The following IPO8 variants were observed in gnomAD, a reference collection of about 807,000 sequenced individuals.
IPO8 encodes importin 8.
A neutral mutation model predicts 141.2 loss-of-function variants in IPO8; 65 were observed. The ratio of observed to expected loss-of-function variants is 0.46; its 90% CI spans 0.38 to 0.57. IPO8 has a LOEUF of 0.57. Among genes scored for constraint, IPO8 ranks in the 20% least tolerant of loss-of-function variants. The pLI, the probability that IPO8 is intolerant of heterozygous loss-of-function variation, is 0.00. For synonymous variants in IPO8, 411 were observed against 420.3 expected (o/e 0.98, Z 0.27); for missense variants, 980 against 1,246.8 (o/e 0.79, Z 3.22).
In IPO8 at chr12:30,680,643, A is replaced by G. The variant is rs1236951838; in HGVS notation, c.483-5T>C. 12 of 1,598,632 alleles carry G rather than the reference A, an allele frequency of 7.5e-6. No homozygotes were observed. Among genetic ancestry groups the G allele is most frequent in the Non-Finnish European group, 1.0e-5 (12 of 1,174,928 alleles). On this transcript the variant is annotated splice_region_variant and splice_polypyrimidine_tract_variant and intron_variant, in intron 4 of 24. Transcript: ENST00000256079. ...CTCTCTTCTGCTTTCTTATATCTACATGAGCAAAGACAAAAACAGAAAAGT... is the reference window on the plus strand; with the variant it reads ...CTCTCTTCTGCTTTCTTATATCTACGTGAGCAAAGACAAAAACAGAAAAGT...
chr12:30,678,336 G>A (rs901814410), intron 5 of IPO8, among the ~76,000 whole-genome samples: 1 of 152,020 alleles, frequency 6.6e-6, no homozygotes, highest in Non-Finnish European at 1.5e-5. Context: ...TCCATTCATG[G>A]TAAGTACCCT....
At chr12:30,675,730 G>C (rs1158408082) in intron 6 of IPO8, among the ~76,000 whole-genome samples, 1 of 151,168 alleles carries the variant, frequency 6.6e-6, no homozygotes, top group Non-Finnish European at 1.5e-5. Flanking sequence ...TGTAGTCCCA[G>C]CTACTCAGGA....
At chr12:30,680,357 T>C in intron 5 of IPO8, 125 bp downstream of exon 5, 4 of 698,580 alleles carry the variant, frequency 5.7e-6, no homozygotes, top group East Asian at 3.0e-5. Context: ...TCATAAGCAT[T>C]TTTTAAAGAA....
chr12:30,630,839 G>T lies in IPO8; in HGVS notation c.*21C>A. The T allele has an allele frequency of 3.8e-6, 6 of 1,563,790 alleles. No homozygotes were observed. The highest frequency in any genetic ancestry group is 5.3e-6 in the Non-Finnish European group (6 of 1,135,530). ...GAAATAAAATGCAGCGATGACATTT[G>T]GTCAGCTGATGTTCTTTCCTTCAGT... is the stretch of plus-strand genomic sequence containing the variant. On this transcript the variant is annotated 3_prime_UTR_variant, in exon 25 of 25. Coordinates refer to ENST00000256079, the MANE Select transcript of IPO8 (RefSeq NM_006390.4).
At chr12:30,645,373 A>C (rs2052630913) in intron 20 of IPO8, among the ~76,000 whole-genome samples, 1 of 106,786 alleles carries the variant, frequency 9.4e-6, no homozygotes, top group East Asian at 2.0e-4. Flanking sequence ...ACTTCATCTC[A>C]AAAAAAAAAA....
chr12:30,653,194 T>C, intron 17 of IPO8, 102 bp from the exon 18 acceptor site: 1 of 993,442 alleles, frequency 1.0e-6, no homozygotes, highest in Non-Finnish European at 1.5e-6. Context: ...CACAGAGTCC[T>C]CCTCTATCCA....
In IPO8 at chr12:30,629,491, A is replaced by C. The variant is rs2052402062; in HGVS notation, c.*1369T>G. On this transcript the variant is annotated 3_prime_UTR_variant, in exon 25 of 25. Coordinates refer to ENST00000256079, the MANE Select transcript of IPO8 (RefSeq NM_006390.4). ...CATGAGGGATGGTAATATAGGAAGC[A>C]CCTGAAAAAAATTCCTCCAGTCACT... 6.6e-6 allele frequency: 1 copy of C among 152,194 alleles called. No individual in the cohort carries two copies. The highest frequency in any genetic ancestry group is 1.5e-5 in the Non-Finnish European group (1 of 68,028). 9.4% of individuals were successfully genotyped at this position (152,194 alleles called of 1,614,324 possible).
intron 13 of IPO8, among the ~76,000 whole-genome samples, chr12:30,664,768 G>T (rs1482212710): frequency 2.0e-5 from 3 of 151,980 alleles, no homozygotes; most frequent in Non-Finnish European, 4.4e-5. Context: ...TTGAGACAGG[G>T]TCTCACTGTT....
chr12:30,692,511 TA>T (rs2053300474), intron 1 of IPO8, among the ~76,000 whole-genome samples: 1 of 152,214 alleles, frequency 6.6e-6, no homozygotes, highest in East Asian at 1.9e-4. Flanking sequence ...TTCTAAAAAA[TA>T]AATAAGACTA....
rs1370795773 is a variant in IPO8, at chr12:30,681,676, T to C, written c.465A>G (p.Gln155=). The change falls in exon 4 of 25, where the codon CAA becomes CAG. Residue 155 remains glutamine, a synonymous_variant. Coordinates refer to ENST00000256079, the MANE Select transcript of IPO8 (RefSeq NM_006390.4). ...SWLGSLLCLY[Q]LVKTYEYKKA... is the part of the protein sequence containing the mutation. Reference sequence around the variant, plus strand: ...CAACTTACTCATATGTCTTCACCAGTTGATACAGGCATAATAAACTGCCAA... The same window carrying C: ...CAACTTACTCATATGTCTTCACCAGCTGATACAGGCATAATAAACTGCCAA... The C allele has an allele frequency of 6.2e-7, 1 of 1,613,234 alleles. No homozygotes were observed. Among genetic ancestry groups the C allele is most frequent in the Non-Finnish European group, 8.5e-7 (1 of 1,179,584 alleles).
At chr12:30,673,259 A>C (rs997796500) in intron 8 of IPO8, among the ~76,000 whole-genome samples, 2 of 150,580 alleles carry the variant, frequency 1.3e-5, no homozygotes, top group African/African-American at 4.9e-5. Flanking sequence ...ACTCCATCTC[A>C]AAAAAAAAAT....
chr12:30,676,125 T>G (rs921067637), intron 6 of IPO8, among the ~76,000 whole-genome samples: 5 of 151,950 alleles, frequency 3.3e-5, no homozygotes, highest in African/African-American at 1.2e-4. Context: ...AAGGTCCCAC[T>G]ATGTTGCATA....
chr12:30,637,208 A>G, intron 21 of IPO8, 21 bp from the exon 22 acceptor site: 1 of 1,574,494 alleles, frequency 6.4e-7, no homozygotes, highest in Non-Finnish European at 8.7e-7. Context: ...TGAAGAAAAA[A>G]AAAATGTAGA....
At chr12:30,639,003 T>C (rs1490409557) in intron 21 of IPO8, among the ~76,000 whole-genome samples, 6 of 151,882 alleles carry the variant, frequency 4.0e-5, no homozygotes, top group Non-Finnish European at 7.4e-5. Flanking sequence ...CTAGGAAGAG[T>C]GCTTCACATA....
At chr12:30,683,079 C>A (rs1001594540) in intron 3 of IPO8, among the ~76,000 whole-genome samples, 16 of 152,112 alleles carry the variant, frequency 1.1e-4, no homozygotes, top group Non-Finnish European at 2.1e-4. Context: ...TTCTCCCAGT[C>A]CTTTCTCATT....
intron 6 of IPO8, among the ~76,000 whole-genome samples, chr12:30,675,178 T>C (rs180730341): frequency 2.0e-5 from 3 of 152,326 alleles, no homozygotes; most frequent in Admixed American, 1.3e-4. Context: ...ACAAGAGAAA[T>C]AATACTGCAC....
At position 30,629,300 on chromosome 12, in the gene IPO8, C is replaced by G. The variant is rs2052399097; in HGVS notation, c.*1560G>C. Reference sequence around the variant, plus strand: ...AGTTTGAAAGCTCTCTAAAATTTCTCCCAATGCCATCTTTCGCTTCTAACT... The same window carrying G: ...AGTTTGAAAGCTCTCTAAAATTTCTGCCAATGCCATCTTTCGCTTCTAACT... On this transcript the variant is annotated 3_prime_UTR_variant, in exon 25 of 25. Transcript: ENST00000256079. 1 of 152,216 alleles carries G rather than the reference C, an allele frequency of 6.6e-6. No individual in the cohort carries two copies. Among genetic ancestry groups the G allele is most frequent in the Non-Finnish European group, 1.5e-5 (1 of 68,040 alleles). The allele number at this position is 152,216 out of a possible 1,614,324, so 9.4% of individuals were successfully genotyped here.
At chr12:30,632,039 G>C (rs765549189) in intron 23 of IPO8, 28 bp from the exon 24 acceptor site, 19 of 1,455,402 alleles carry the variant, frequency 1.3e-5, no homozygotes, top group Non-Finnish European at 1.8e-5. Flanking sequence ...GAAAAGACAG[G>C]AGGGTACAGC....
chr12:30,694,404 T>TA (rs1309789761), intron 1 of IPO8, among the ~76,000 whole-genome samples: 1 of 152,214 alleles, frequency 6.6e-6, no homozygotes, highest in African/African-American at 2.4e-5. Context: ...CCTGCATTTA[T>TA]ACCTACTCCA....
Sources: gnomAD v4.1 joint callset for allele counts (sites outside exome capture counted in the v4.1 genomes callset) on GRCh38, gnomAD v4.1.1 for gene constraint, MANE v1.5 for transcripts, NCBI Gene and HGNC (gene_info 2026-07-23, HGNC 2026-07-21) for gene names.